The following KCNAB1 variants were observed in gnomAD, a reference collection of about 807,000 sequenced individuals.
KCNAB1 encodes the protein potassium voltage-gated channel subfamily A regulatory beta subunit 1, also known as voltage-gated potassium channel subunit beta-1.
Under a neutral mutation model 64.6 loss-of-function variants are expected in KCNAB1, and 35 were observed. That is an observed-to-expected ratio of 0.54 (90% CI 0.41 to 0.72). KCNAB1 has a LOEUF of 0.72. Ranked by LOEUF, KCNAB1 falls within the 30% of genes least tolerant of loss-of-function variation. KCNAB1 has a pLI of 0.00. For synonymous variants in KCNAB1, 177 were observed against 183.8 expected (o/e 0.96, Z 0.30); for missense variants, 401 against 512.9 (o/e 0.78, Z 2.11).
intron 7 of KCNAB1, among the ~76,000 whole-genome samples, chr3:156,466,136 C>A (rs556721187): frequency 6.6e-6 from 1 of 152,050 alleles, no homozygotes; most frequent in Non-Finnish European, 1.5e-5. Flanking sequence ...TCCCTATCAC[C>A]TCCTCACCCC....
At chr3:156,319,703 A>C (rs1030699746) in intron 1 of KCNAB1, among the ~76,000 whole-genome samples, 1 of 152,190 alleles carries the variant, frequency 6.6e-6, no homozygotes, top group Non-Finnish European at 1.5e-5. Flanking sequence ...TGCACTGACT[A>C]TATCTACATT....
At chr3:156,146,565 A>G (rs1014575871) in intron 1 of KCNAB1, among the ~76,000 whole-genome samples, 28 of 152,162 alleles carry the variant, frequency 1.8e-4, no homozygotes, top group Admixed American at 5.2e-4. Context: ...ATATAAAATG[A>G]AGCTCTAATC....
intron 1 of KCNAB1, among the ~76,000 whole-genome samples, chr3:156,270,303 G>A (rs1718958302): frequency 6.6e-6 from 1 of 152,072 alleles, no homozygotes; most frequent in East Asian, 1.9e-4. Flanking sequence ...TAATAAATAA[G>A]GGCTTACTCC....
At chr3:156,132,614 A>G (rs1003624975) in intron 1 of KCNAB1, among the ~76,000 whole-genome samples, 22 of 152,208 alleles carry the variant, frequency 1.4e-4, no homozygotes, top group African/African-American at 4.8e-4. Context: ...GATCAGGCAC[A>G]TGGAAACAAG....
chr3:156,287,986 A>G (rs1464897134), intron 1 of KCNAB1, among the ~76,000 whole-genome samples: 2 of 152,218 alleles, frequency 1.3e-5, no homozygotes, highest in African/African-American at 2.4e-5. Context: ...TTAATTTGTT[A>G]TGGCTGCTAT....
At chr3:156,522,881 C>G (rs1191584884) in intron 11 of KCNAB1, among the ~76,000 whole-genome samples, 2 of 152,156 alleles carry the variant, frequency 1.3e-5, no homozygotes, top group Non-Finnish European at 2.9e-5. Flanking sequence ...CATTACCACA[C>G]AGTGTGATGA....
chr3:156,529,670 C>A (rs1209828274), intron 12 of KCNAB1, among the ~76,000 whole-genome samples: 1 of 152,182 alleles, frequency 6.6e-6, no homozygotes, highest in Non-Finnish European at 1.5e-5. Flanking sequence ...AGTTTGAAAA[C>A]CACTTGATTA....
At chr3:156,506,071 A>AT (rs1716816329) in intron 8 of KCNAB1, among the ~76,000 whole-genome samples, 1 of 152,136 alleles carries the variant, frequency 6.6e-6, no homozygotes, top group South Asian at 2.1e-4. Flanking sequence ...TTGGTATTTA[A>AT]TTTTTTGTGG....
At chr3:156,166,962 C>T (rs191260175) in intron 1 of KCNAB1, among the ~76,000 whole-genome samples, 1 of 152,086 alleles carries the variant, frequency 6.6e-6, no homozygotes, top group East Asian at 1.9e-4. Flanking sequence ...GACATGGGCA[C>T]CTCTTGGTTG....
chr3:156,263,506 C>A (rs1373867165), intron 1 of KCNAB1, among the ~76,000 whole-genome samples: 3 of 151,938 alleles, frequency 2.0e-5, no homozygotes, highest in East Asian at 1.9e-4. Context: ...TAGCATGAAC[C>A]CTTTTAATAT....
chr3:156,228,345 G>A (rs76674824), intron 1 of KCNAB1, among the ~76,000 whole-genome samples: 2,600 of 152,238 alleles, frequency 0.017, 45 homozygotes, highest in South Asian at 0.03. Context: ...CAGCCCTACC[G>A]TGTGCTTTGA....
chr3:156,284,598 G>A (rs1719974905), intron 1 of KCNAB1, among the ~76,000 whole-genome samples: 2 of 152,328 alleles, frequency 1.3e-5, no homozygotes, highest in East Asian at 1.9e-4. Context: ...ATCTCAGACT[G>A]CTGTGCTAGC....
At position 156,354,039 on chromosome 3, in the gene KCNAB1, G is replaced by GTA. The variant is rs760414662; in HGVS notation, c.276-67569_276-67568dup. ...AGAGGTATTGTCATAATGTGTGTGT[G>GTA]TATATATATGTGTGTGTGTGTGTGT... is the stretch of plus-strand genomic sequence containing the variant. On this transcript the variant is annotated intron_variant, in intron 1 of 13. Coordinates refer to ENST00000490337, the MANE Select transcript of KCNAB1 (RefSeq NM_172160.3). Among the ~76,000 whole-genome samples, 245 of 136,492 alleles carry GTA rather than the reference G, an allele frequency of 1.8e-3. 2 individuals carry two copies. The highest frequency in any genetic ancestry group is 6.1e-3 in the African/African-American group (223 of 36,666). 89.5% of individuals were successfully genotyped at this position (136,492 alleles called of 152,430 possible). A position where few individuals can be genotyped will look rare whatever the true frequency, so the allele number is the denominator to read the frequency against.
chr3:156,253,027 G>T (rs2108467589), intron 1 of KCNAB1, among the ~76,000 whole-genome samples: 1 of 152,272 alleles, frequency 6.6e-6, no homozygotes, highest in Middle Eastern at 3.4e-3. Flanking sequence ...GCAAAGAAAA[G>T]ACCAAATTAA....
chr3:156,334,603 A>G (rs1021909745), intron 1 of KCNAB1, among the ~76,000 whole-genome samples: 2 of 152,234 alleles, frequency 1.3e-5, no homozygotes, highest in African/African-American at 2.4e-5. Flanking sequence ...AAAGTGTATG[A>G]TATTTCCTGG....
At chr3:156,465,767 C>A in intron 7 of KCNAB1, 81 bp downstream of exon 7, 2 of 1,161,172 alleles carry the variant, frequency 1.7e-6, no homozygotes, top group Non-Finnish European at 2.6e-6. Flanking sequence ...ATTCAGAACA[C>A]ACTGGAAGAG....
At chr3:156,139,275 C>T (rs1372451007) in intron 1 of KCNAB1, among the ~76,000 whole-genome samples, 1 of 152,210 alleles carries the variant, frequency 6.6e-6, no homozygotes, top group Non-Finnish European at 1.5e-5. Flanking sequence ...ACTTCAGTTC[C>T]AGACAAATAT....
chr3:156,120,691 C>A lies in KCNAB1; in HGVS notation c.80C>A (p.Ser27Tyr). ...NTKLRRQSGF[S>Y]VAGKDKSPKK... ...AAGTTAAGGAGACAGTCTGGGTTTT[C>A]TGTAGCAGGGAAAGACAAATCTCCC... Residue 27 changes from serine to tyrosine, a missense_variant, in exon 1 of 14, where the codon TCT becomes TAT. By Grantham distance (144) the Ser-to-Tyr change is moderately radical (BLOSUM62 -2). Coordinates refer to ENST00000490337, the MANE Select transcript of KCNAB1 (RefSeq NM_172160.3). The A allele has an allele frequency of 6.2e-7, 1 of 1,614,248 alleles. No homozygotes were observed. Among genetic ancestry groups the A allele is most frequent in the Non-Finnish European group, 8.5e-7 (1 of 1,180,044 alleles).
chr3:156,395,406 G>A (rs1208630496), intron 1 of KCNAB1, among the ~76,000 whole-genome samples: 3 of 149,072 alleles, frequency 2.0e-5, no homozygotes, highest in Non-Finnish European at 3.0e-5. Context: ...TTAGCCGGGC[G>A]TAGTGGCGGG....
Sources: gnomAD v4.1 joint callset for allele counts (sites outside exome capture counted in the v4.1 genomes callset) on GRCh38, gnomAD v4.1.1 for gene constraint, MANE v1.5 for transcripts, NCBI Gene and HGNC (gene_info 2026-07-23, HGNC 2026-07-21) for gene names.